The following MORN1 variants were observed in gnomAD, a reference collection of about 807,000 sequenced individuals.
MORN1 encodes MORN repeat containing 1.
Under a neutral mutation model 61.9 loss-of-function variants are expected in MORN1, and 67 were observed. The observed-to-expected ratio is 1.08, with a 90% CI of 0.89 to 1.33. The LOEUF is 1.33. MORN1 is among the 40% of genes most tolerant of loss of function. MORN1 has a pLI of 0.00. For synonymous variants in MORN1, 301 were observed against 292.0 expected, an observed-to-expected ratio of 1.03 and a Z score of -0.31; for missense variants, 752 against 691.2, an observed-to-expected ratio of 1.09 and a Z score of -0.99.
chr1:2,384,559 C>T (rs940356901), intron 6 of MORN1, among the ~76,000 whole-genome samples: 3 of 152,230 alleles, frequency 2.0e-5, no homozygotes, highest in Non-Finnish European at 2.9e-5. Flanking sequence ...CTCTCCGTAC[C>T]AGGAAGAGAA....
intron 10 of MORN1, among the ~76,000 whole-genome samples, chr1:2,356,769 G>T (rs1641779989): frequency 6.6e-6 from 1 of 152,214 alleles, no homozygotes; most frequent in South Asian, 2.1e-4. Context: ...TGCACAGGAG[G>T]GTTTGATGTG....
intron 7 of MORN1, among the ~76,000 whole-genome samples, chr1:2,374,108 G>C (rs1479984311): frequency 6.6e-6 from 1 of 152,160 alleles, no homozygotes; most frequent in Non-Finnish European, 1.5e-5. Flanking sequence ...GCAGCCCCCA[G>C]AGGAGGCCCA....
intron 10 of MORN1, among the ~76,000 whole-genome samples, chr1:2,338,812 G>C (rs1641336581): frequency 6.6e-6 from 1 of 152,178 alleles, no homozygotes; most frequent in Non-Finnish European, 1.5e-5. Flanking sequence ...ACAATGGCTG[G>C]TGCCAGGCAC....
intron 4 of MORN1, 87 bp from the exon 5 acceptor site, chr1:2,385,984 G>A (rs1440822087): frequency 2.5e-6 from 3 of 1,199,444 alleles, no homozygotes; most frequent in East Asian, 4.7e-5. Flanking sequence ...TGGAGGGCGG[G>A]CAGGAGCAAA....
intron 12 of MORN1, among the ~76,000 whole-genome samples, chr1:2,331,279 A>G (rs1053502470): frequency 2.0e-5 from 3 of 152,050 alleles, no homozygotes; most frequent in Non-Finnish European, 4.4e-5. Context: ...TCTCCTGGTC[A>G]GCACCTCTCC....
chr1:2,358,644 TGACCTCA>T lies in MORN1; in HGVS notation c.810_816del (p.Glu271ThrfsTer160), dbSNP rs754587964. ...TTGTCTCTGTCCACTTTGAAAAAGT[TGACCTCA>T]GAGTAGGCTGACAGCTGCACGTATC... On this transcript the variant is annotated frameshift_variant, in exon 9 of 14. Transcript: ENST00000378531. LOFTEE classifies it high-confidence loss of function. The T allele has an allele frequency of 6.2e-7, 1 of 1,614,088 alleles. No individual in the cohort carries two copies. The highest frequency in any genetic ancestry group is 8.5e-7 in the Non-Finnish European group (1 of 1,179,990).
Position 2,336,851 on chromosome 1 carries a change from C to A in MORN1, c.1037-1G>T. The A allele has an allele frequency of 6.4e-7, 1 of 1,557,646 alleles. No individual in the cohort carries two copies. Among genetic ancestry groups the A allele is most frequent in the Non-Finnish European group, 8.7e-7 (1 of 1,154,890 alleles). On this transcript the variant is annotated splice_acceptor_variant, in intron 10 of 13. Coordinates refer to ENST00000378531, the MANE Select transcript of MORN1 (RefSeq NM_024848.3). LOFTEE classifies it high-confidence loss of function. ...GGACAATGGGGCGCATGTCCCCTGG[C>A]TGAGGAGACAGAATGAAGAAAGACC...
intron 10 of MORN1, chr1:2,350,984 G>A (rs1297284808): frequency 2.6e-5 from 4 of 152,468 alleles, no homozygotes; most frequent in African/African-American, 9.6e-5. Flanking sequence ...AAGCCCAAAG[G>A]GTGTGAAGTC....
At position 2,357,633 on chromosome 1, in the gene MORN1, C is replaced by A. The variant is rs368490403; in HGVS notation, c.870-35G>T. ...AATGGGGGCAGCTTGGCTCTACTCA[C>A]CCCACACCAAACTAGGGTGCAGGCA... On this transcript the variant is annotated intron_variant, in intron 9 of 13. Coordinates refer to ENST00000378531, the MANE Select transcript of MORN1 (RefSeq NM_024848.3). This position sits in a 1 kb window ranked among gnomAD's most constrained non-coding sequence, Gnocchi z 6.3. 3.9e-6 allele frequency: 6 copies of A among 1,550,566 alleles called. No homozygotes were observed. In the South Asian group the frequency reaches 7.2e-5, roughly 19 times the overall value.
At position 2,391,469 on chromosome 1, in the gene MORN1, G is replaced by A; in HGVS notation, c.65C>T (p.Pro22Leu). The change falls in exon 1 of 14, where the codon CCG (proline) becomes CTG (leucine). Residue 22 changes from proline (P) to leucine (L), a missense_variant. Pro to Leu is a moderately conservative substitution (Grantham distance 98, BLOSUM62 -3). Transcript: ENST00000378531. The stretch of plus-strand genomic sequence containing the variant: ...CCCGCAGTCGTTACCGTTCCGGGGC[G>A]GCCGCCTAGGCGGGTCCCGACGCGG... Reference protein sequence around the residue: ...RGPRRDPPRRPPRNGYGVYVY... With the variant: ...RGPRRDPPRRLPRNGYGVYVY... 2 of 1,254,768 alleles carry A rather than the reference G, an allele frequency of 1.6e-6. No individual in the cohort carries two copies. The highest frequency in any genetic ancestry group is 2.0e-6 in the Non-Finnish European group (2 of 992,258). The allele number at this position is 1,254,768 out of a possible 1,614,324, so 77.7% of individuals were successfully genotyped here. A position where few individuals can be genotyped will look rare whatever the true frequency, so the allele number is the denominator to read the frequency against.
chr1:2,326,066 A>G (rs1206319274), intron 12 of MORN1: 6 of 152,220 alleles, frequency 3.9e-5, no homozygotes, highest in Admixed American at 2.0e-4. Flanking sequence ...GTGGCTGGCC[A>G]GTTCCTGTCA....
intron 10 of MORN1, among the ~76,000 whole-genome samples, chr1:2,343,937 T>G (rs4648830): frequency 0.45 from 66,010 of 145,452 alleles, 14,748 homozygotes; most frequent in South Asian, 0.57. Context: ...CCTCCCCTGC[T>G]GCCAGCTGTG....
chr1:2,342,882 T>TTTTATTTTATTTTA (rs1557873815), intron 10 of MORN1, among the ~76,000 whole-genome samples: 56 of 97,708 alleles, frequency 5.7e-4, no homozygotes, highest in African/African-American at 1.9e-3. Flanking sequence ...TTTTATTTTA[T>TTTTATTTTATTTTA]TTTATTTTAT....
At chr1:2,342,705 C>G (rs1641420956) in intron 10 of MORN1, among the ~76,000 whole-genome samples, 1 of 152,180 alleles carries the variant, frequency 6.6e-6, no homozygotes, top group Admixed American at 6.5e-5. Context: ...CACCCAAGAT[C>G]CACGAGGAGG....
Position 2,337,147 on chromosome 1 carries a change from C to T in MORN1, c.1037-297G>A, listed in dbSNP as rs557970302. Among the ~76,000 whole-genome samples the T allele has an allele frequency of 1.2e-4, 18 of 152,308 alleles. No individual in the cohort carries two copies. The highest frequency in any genetic ancestry group is 4.1e-4 in the African/African-American group (17 of 41,558). On this transcript the variant is annotated intron_variant, in intron 10 of 13. Coordinates refer to ENST00000378531, the MANE Select transcript of MORN1 (RefSeq NM_024848.3). This position sits in a 1 kb window ranked among gnomAD's most constrained non-coding sequence, Gnocchi z 5.7. ...GCGCTTTGCAGTGGGAAGGGTCTCCCATCAGCAGCCCCCGTCAGCCGAGGC... is the reference window on the plus strand; with the variant it reads ...GCGCTTTGCAGTGGGAAGGGTCTCCTATCAGCAGCCCCCGTCAGCCGAGGC...
intron 12 of MORN1, among the ~76,000 whole-genome samples, chr1:2,327,798 G>A (rs1262373908): frequency 2.0e-5 from 3 of 152,264 alleles, no homozygotes; most frequent in East Asian, 1.9e-4. Context: ...TGCCTCTGGC[G>A]GTGACCAGAA....
At chr1:2,355,436 ACT>A in intron 10 of MORN1, 1 of 1,550,058 alleles carries the variant, frequency 6.5e-7, no homozygotes, top group Non-Finnish European at 8.7e-7. Context: ...CTGGAAGGAG[ACT>A]CGTCTGATCC....
rs1641312799 is a variant in MORN1 at position 2,337,881 on chromosome 1, G to A, written c.1037-1031C>T. Among the ~76,000 whole-genome samples, 1 of 152,162 alleles carries A rather than the reference G, an allele frequency of 6.6e-6. No homozygotes were observed. The highest frequency in any genetic ancestry group is 2.1e-4 in the South Asian group (1 of 4,824). On this transcript the variant is annotated intron_variant, in intron 10 of 13. Coordinates refer to ENST00000378531, the MANE Select transcript of MORN1 (RefSeq NM_024848.3). The surrounding 1 kb of genome is among the most constrained non-coding windows in gnomAD (Gnocchi z 5.7). ...CAGATGAGTGTCCCCACCAGGCAGT[G>A]ACACCATCAAAAAAACAGAAGAGAC...
chr1:2,326,637 GGTCCCTCACTCCT>G (rs1409365600), intron 12 of MORN1: 4 of 152,360 alleles, frequency 2.6e-5, no homozygotes, highest in Admixed American at 1.3e-4. Flanking sequence ...TGCGGGTGCT[GGTCCCTCACTCCT>G]GTCCCTCACG....
Sources: gnomAD v4.1 joint callset for allele counts (sites outside exome capture counted in the v4.1 genomes callset) on GRCh38, gnomAD v4.1.1 for gene constraint, Gnocchi (gnomAD v3.1) non-coding constraint, MANE v1.5 for transcripts, NCBI Gene and HGNC (gene_info 2026-07-23, HGNC 2026-07-21) for gene names.